PITRM1: variants seen among roughly 807,000 people sequenced by gnomAD.
PITRM1 encodes the protein presequence protease, mitochondrial.
In PITRM1, 100 loss-of-function variants were observed where a neutral mutation model predicts 129.9. That is an observed-to-expected ratio of 0.77 (90% CI 0.65 to 0.91). The LOEUF (loss-of-function observed/expected upper bound fraction) is 0.91. Ranked by LOEUF, PITRM1 falls within the 40% of genes least tolerant of loss-of-function variation. The probability of loss-of-function intolerance (pLI) is 0.00; values close to 1 mark genes in which losing one functional copy is unlikely to be tolerated. For missense variants in PITRM1, 1,471 were observed against 1,318.3 expected (o/e 1.12, Z -1.79); for synonymous variants, 591 against 508.8 (o/e 1.16, Z -2.17).
intron 3 of PITRM1, among the ~76,000 whole-genome samples, 165 bp downstream of exon 3, chr10:3,166,767 CCTTT>C (rs760556858): frequency 6.6e-6 from 1 of 152,112 alleles, no homozygotes; most frequent in Non-Finnish European, 1.5e-5. Flanking sequence ...ATTGAGGGGT[CCTTT>C]ATTTATTATT....
intron 18 of PITRM1, 112 bp downstream of exon 18, chr10:3,147,875 G>C: frequency 3.4e-6 from 4 of 1,189,420 alleles, no homozygotes; most frequent in Non-Finnish European, 4.8e-6. Flanking sequence ...ACAAGTAAAA[G>C]TCAGACTTGG....
At position 3,157,041 on chromosome 10, in the gene PITRM1, A is replaced by G. The variant is rs1322379577; in HGVS notation, c.1371T>C (p.His457=). The part of the protein sequence containing the change: ...LTSYIASCWN[H]DGDPVELLKL... ...TCAAGAGCTCCACAGGGTCCCCATC[A>G]TGGTTCCAGCAAGAAGCTATGTACT... is the stretch of plus-strand genomic sequence containing the variant. The change falls in exon 13 of 27, where the codon CAT becomes CAC. Residue 457 remains histidine, a synonymous_variant. Coordinates refer to ENST00000224949, the MANE Select transcript of PITRM1 (RefSeq NM_014889.4). 1 of 1,610,350 alleles carries G rather than the reference A, an allele frequency of 6.2e-7. No individual in the cohort carries two copies. Among genetic ancestry groups the G allele is most frequent in the Non-Finnish European group, 8.5e-7 (1 of 1,179,022 alleles).
chr10:3,152,200 C>CT (rs1841582716), intron 14 of PITRM1, among the ~76,000 whole-genome samples: 1 of 152,242 alleles, frequency 6.6e-6, no homozygotes, highest in South Asian at 2.1e-4. Flanking sequence ...TCACAGCAGA[C>CT]TCCTCCACTG....
chr10:3,137,914 T>G lies in PITRM1; in HGVS notation c.*117A>C, dbSNP rs1388124884. 1.5e-6 allele frequency: 1 copy of G among 658,070 alleles called. No individual in the cohort carries two copies. The highest frequency in any genetic ancestry group is 1.8e-5 in the African/African-American group (1 of 55,058). The allele number at this position is 658,070 out of a possible 1,614,324, so 40.8% of individuals were successfully genotyped here. ...AGTTTTTGACTCGCCAGTCAAGGGC[T>G]TTGGCGACACTCAATGACATAATAT... is the stretch of plus-strand genomic sequence containing the variant. On this transcript the variant is annotated 3_prime_UTR_variant, in exon 27 of 27. Transcript: ENST00000224949.
chr10:3,138,386 G>A (rs747009967), intron 25 of PITRM1, 49 bp from the exon 26 acceptor site: 51 of 1,256,944 alleles, frequency 4.1e-5, no homozygotes, highest in South Asian at 1.9e-4. Flanking sequence ...GGGAGCTCGC[G>A]TTGTGGGCTG....
intron 2 of PITRM1, among the ~76,000 whole-genome samples, chr10:3,169,519 G>A (rs943590346): frequency 6.6e-6 from 1 of 152,220 alleles, no homozygotes; most frequent in Non-Finnish European, 1.5e-5. Context: ...ATCAAGCATA[G>A]CACAAAGCCA....
At position 3,155,505 on chromosome 10, in the gene PITRM1, C is replaced by T. The variant is rs184352456; in HGVS notation, c.1621+86G>A. On this transcript the variant is annotated intron_variant, in intron 14 of 26. Coordinates refer to ENST00000224949, the MANE Select transcript of PITRM1 (RefSeq NM_014889.4). ...CGGACACCTGTTGGTTGAAATAATACCTGCCTCCAACTACTAACTCACTAA... is the reference window on the plus strand; with the variant it reads ...CGGACACCTGTTGGTTGAAATAATATCTGCCTCCAACTACTAACTCACTAA... The T allele has an allele frequency of 2.5e-4, 380 of 1,530,286 alleles. 1 individual carries two copies. The African/African-American group carries it at 4.7e-3, about 19-fold the overall frequency. The allele number at this position is 1,530,286 out of a possible 1,614,324, so 94.8% of individuals were successfully genotyped here.
chr10:3,147,671 A>G lies in PITRM1; in HGVS notation c.2136T>C (p.Asn712=). 6.2e-7 allele frequency: 1 copy of G among 1,613,628 alleles called. No individual in the cohort carries two copies. The highest frequency in any genetic ancestry group is 1.3e-5 in the African/African-American group (1 of 75,008). The change falls in exon 19 of 27, where the codon AAT becomes AAC. Residue 712 remains asparagine (N), a synonymous_variant. Coordinates refer to ENST00000224949, the MANE Select transcript of PITRM1 (RefSeq NM_014889.4). ...LVKMTAQELA[N]GIPDSGHLYA... is the part of the protein sequence containing the mutation. ...ACAGGTGCCCAGAGTCAGGAATTCC[A>G]TTGGCGAGCTCCTGGGCGGTCATCT...
chr10:3,145,719 G>A lies in PITRM1; in HGVS notation c.2337-3C>T, dbSNP rs1241967912. 1.5e-5 allele frequency: 23 copies of A among 1,546,112 alleles called. No homozygotes were observed. The highest frequency in any genetic ancestry group is 1.9e-5 in the Non-Finnish European group (22 of 1,142,448). On this transcript the variant is annotated splice_polypyrimidine_tract_variant and splice_region_variant and intron_variant, in intron 20 of 26. Coordinates refer to ENST00000224949, the MANE Select transcript of PITRM1 (RefSeq NM_014889.4). ...GAGGAGTCGCATTCACTGAACACCT[G>A]TTTGAAAAATTATGTATACATAAAA...
chr10:3,144,218 G>A (rs1010782800), intron 22 of PITRM1, 74 bp downstream of exon 22: 36 of 826,974 alleles, frequency 4.4e-5, no homozygotes, highest in Non-Finnish European at 5.7e-5. Context: ...AGGAACATTC[G>A]AACATCAGTG....
intron 15 of PITRM1, 62 bp downstream of exon 15, chr10:3,151,185 G>A: frequency 1.2e-6 from 1 of 869,158 alleles, no homozygotes. Flanking sequence ...CTTCTGTGAG[G>A]AGTGACATTT....
At chr10:3,159,994 T>C in intron 8 of PITRM1, 58 bp from the exon 9 acceptor site, 1 of 1,320,868 alleles carries the variant, frequency 7.6e-7, no homozygotes, top group Non-Finnish European at 1.1e-6. Context: ...TCAACTACTC[T>C]AGGTTATCTG....
rs545630230 is a variant in PITRM1 at position 3,172,351 on chromosome 10, A to G, written c.56+366T>C. The G allele has an allele frequency of 3.7e-4, 181 of 488,544 alleles. 2 individuals carry two copies. The highest frequency in any genetic ancestry group is 5.9e-4 in the Non-Finnish European group (152 of 257,664). 30.3% of individuals were successfully genotyped at this position (488,544 alleles called of 1,614,324 possible). On this transcript the variant is annotated intron_variant, in intron 1 of 26. Transcript: ENST00000224949. ...GGGCTGTGGGCGCCTCGGGTCTCTT[A>G]AGGACTCGGCCTCCCAACAAAAATG...
At chr10:3,154,959 ATT>A (rs1176150722) in intron 14 of PITRM1, among the ~76,000 whole-genome samples, 11 of 151,934 alleles carry the variant, frequency 7.2e-5, no homozygotes, top group Admixed American at 6.6e-4. Context: ...TCTCCATCCA[ATT>A]TCTCTATTTT....
Position 3,138,239 on chromosome 10 carries a change from C to G in PITRM1, c.3016G>C (p.Asp1006His), listed in dbSNP as rs758352717. 183 of 1,612,076 alleles carry G rather than the reference C, an allele frequency of 1.1e-4. No homozygotes were observed. Among genetic ancestry groups the G allele is most frequent in the Non-Finnish European group, 1.5e-4 (180 of 1,178,228 alleles). Reference sequence around the variant, plus strand: ...TCTCCCCCGCTCCCCACTCACCTATCGCTCACGGCCAGGAGCTTGTCGTGG... The same window carrying G: ...TCTCCCCCGCTCCCCACTCACCTATGGCTCACGGCCAGGAGCTTGTCGTGG... ...VSHDKLLAVSDRYLGTGKSTH... is the reference protein window; with the variant it reads ...VSHDKLLAVSHRYLGTGKSTH... The change falls in exon 26 of 27, where the codon GAT becomes CAT. Residue 1006 changes from aspartate (D) to histidine (H), a missense_variant. Transcript: ENST00000224949.
In PITRM1 at chr10:3,155,708, A is replaced by AAT. The variant is rs1490681589; in HGVS notation, c.1503_1504insAT (p.Leu502IlefsTer4). On this transcript the variant is annotated frameshift_variant, in exon 14 of 27. Coordinates refer to ENST00000224949, the MANE Select transcript of PITRM1 (RefSeq NM_014889.4). LOFTEE classifies it high-confidence loss of function. ...TACTTGTCATCTGGCCTCATCGATA[A>AAT]AGTCAGCTTATGCTGGTTATTCTGC... is the stretch of plus-strand genomic sequence containing the variant. 2 of 1,613,726 alleles carry AAT rather than the reference A, an allele frequency of 1.2e-6. No individual in the cohort carries two copies. The highest frequency in any genetic ancestry group is 3.3e-5 in the Admixed American group (2 of 60,000).
At chr10:3,154,867 G>T (rs866841297) in intron 14 of PITRM1, among the ~76,000 whole-genome samples, 1 of 151,974 alleles carries the variant, frequency 6.6e-6, no homozygotes, top group East Asian at 1.9e-4. Context: ...GCCAATCCCC[G>T]TCTCACTTTT....
chr10:3,171,131 G>A lies in PITRM1; in HGVS notation c.57-925C>T, dbSNP rs575651216. 5.3e-5 allele frequency among the ~76,000 whole-genome samples: 5 copies of A among 94,296 alleles called. No individual in the cohort carries two copies. In the East Asian group the frequency reaches 9.3e-4, roughly 18 times the overall value. 61.9% of individuals were successfully genotyped at this position (94,296 alleles called of 152,430 possible). ...TATCGACAGAGAATGGATAAAGTGC[G>A]GACTAATCGTTCAATTAAAAAAAAA... is the stretch of plus-strand genomic sequence containing the variant. On this transcript the variant is annotated intron_variant, in intron 1 of 26. Coordinates refer to ENST00000224949, the MANE Select transcript of PITRM1 (RefSeq NM_014889.4).
Position 3,172,705 on chromosome 10 carries a change from G to A in PITRM1, c.56+12C>T, listed in dbSNP as rs576129414. 6.5e-6 allele frequency: 10 copies of A among 1,534,620 alleles called. No individual in the cohort carries two copies. The highest frequency in any genetic ancestry group is 4.8e-5 in the South Asian group (4 of 82,872). The stretch of plus-strand genomic sequence containing the variant: ...ACCAGCGCGCCGAGCGCCTCCCGTC[G>A]CAGCGTCTCACCCGCCGCTCAGCCG... On this transcript the variant is annotated intron_variant, in intron 1 of 26. Coordinates refer to ENST00000224949, the MANE Select transcript of PITRM1 (RefSeq NM_014889.4).
Sources: gnomAD v4.1 joint callset for allele counts (sites outside exome capture counted in the v4.1 genomes callset) on GRCh38, gnomAD v4.1.1 for gene constraint, MANE v1.5 for transcripts, NCBI Gene and HGNC (gene_info 2026-07-23, HGNC 2026-07-21) for gene names.